The following PCDHA2 variants were observed in gnomAD, a reference collection of about 807,000 sequenced individuals.
PCDHA2 encodes protocadherin alpha-2.
PCDHA2 carries 58 observed loss-of-function variants against 66.0 expected under a neutral mutation model. The ratio of observed to expected loss-of-function variants is 0.88; its 90% CI spans 0.71 to 1.09. The LOEUF (loss-of-function observed/expected upper bound fraction) is 1.09. Among genes scored for constraint, PCDHA2 ranks in the 50% least tolerant of loss-of-function variants. PCDHA2 has a pLI of 0.00. For synonymous variants in PCDHA2, 634 were observed against 554.0 expected (o/e 1.14, Z -2.03); for missense variants, 1,267 against 1,242.3 (o/e 1.02, Z -0.30).
At chr5:140,835,778 G>A in intron 1 of PCDHA2, 1 of 1,613,340 alleles carries the variant, frequency 6.2e-7, no homozygotes, top group Non-Finnish European at 8.5e-7. Flanking sequence ...TGTTCGTGAA[G>A]GAGAACAACC....
intron 3 of PCDHA2, among the ~76,000 whole-genome samples, chr5:140,996,163 A>G (rs183777507): frequency 4.8e-4 from 73 of 152,326 alleles, no homozygotes; most frequent in African/African-American, 1.5e-3. Flanking sequence ...TTATACTGCA[A>G]TGTGCTGACA....
chr5:140,946,091 A>G (rs1554217315), intron 1 of PCDHA2, among the ~76,000 whole-genome samples: 1 of 152,040 alleles, frequency 6.6e-6, no homozygotes, highest in Non-Finnish European at 1.5e-5. Flanking sequence ...TCTGATAAGG[A>G]GTTAACATAC....
chr5:140,929,020 A>C (rs1183262810), intron 1 of PCDHA2: 6 of 1,614,070 alleles, frequency 3.7e-6, no homozygotes, highest in Non-Finnish European at 5.1e-6. Flanking sequence ...GTTGCACCAG[A>C]GCCCAGGCTG....
intron 1 of PCDHA2, chr5:140,867,533 T>C (rs2050017163): frequency 6.6e-6 from 1 of 152,110 alleles, no homozygotes. Flanking sequence ...AATATATATA[T>C]AAAATATTAG....
intron 1 of PCDHA2, chr5:140,868,693 T>C (rs1284176343): frequency 5.7e-6 from 1 of 176,810 alleles, no homozygotes; most frequent in African/African-American, 2.4e-5. Flanking sequence ...TAATGTTAAG[T>C]CAAACATAGA....
intron 1 of PCDHA2, among the ~76,000 whole-genome samples, chr5:140,958,001 T>C (rs1257234939): frequency 6.6e-6 from 1 of 152,144 alleles, no homozygotes; most frequent in Non-Finnish European, 1.5e-5. Flanking sequence ...ATTTTTTGTT[T>C]CAATTCTATC....
At chr5:140,814,345 G>A (rs2126654527) in intron 1 of PCDHA2, 1 of 151,338 alleles carries the variant, frequency 6.6e-6, no homozygotes, top group Non-Finnish European at 1.5e-5. Flanking sequence ...AGGTCTTCTG[G>A]GGCAGTTACA....
At chr5:140,812,028 T>G (rs1340307203) in intron 1 of PCDHA2, 1 of 148,898 alleles carries the variant, frequency 6.7e-6, no homozygotes, top group Non-Finnish European at 1.5e-5. Flanking sequence ...TTAAAATGAG[T>G]TTGGAAGTGT....
At chr5:140,870,097 C>T in intron 1 of PCDHA2, 1 of 1,613,888 alleles carries the variant, frequency 6.2e-7, no homozygotes, top group African/African-American at 1.3e-5. Context: ...AATGGCAGGT[C>T]ACTGTACAGT....
At chr5:140,829,631 A>G (rs2150171714) in intron 1 of PCDHA2, 2 of 1,612,100 alleles carry the variant, frequency 1.2e-6, no homozygotes, top group East Asian at 2.2e-5. Flanking sequence ...GCACGCGGAG[A>G]GCGGCAAGGT....
chr5:140,874,590 T>C (rs1345853316), intron 1 of PCDHA2, among the ~76,000 whole-genome samples: 11 of 152,248 alleles, frequency 7.2e-5, no homozygotes, highest in Non-Finnish European at 1.5e-4. Flanking sequence ...TTTGGGATAG[T>C]GTGAAATTTG....
rs17844259 is a variant in PCDHA2 at position 140,802,489 on chromosome 5, G to A, written c.2388+5137G>A. Reference sequence around the variant, plus strand: ...CTGGTGGTGACTGCTCGGGACGGGGGCTCGCCTTCACTGTGGGCCACGGCC... The same window carrying A: ...CTGGTGGTGACTGCTCGGGACGGGGACTCGCCTTCACTGTGGGCCACGGCC... On this transcript the variant is annotated intron_variant, in intron 1 of 3. Coordinates refer to ENST00000526136, the MANE Select transcript of PCDHA2 (RefSeq NM_018905.3). The A allele has an allele frequency of 4.7e-4, 756 of 1,614,176 alleles. 7 individuals are homozygous for A. The East Asian group carries it at 0.016, about 34-fold the overall frequency.
At chr5:140,806,378 C>T (rs1685025391) in intron 1 of PCDHA2, among the ~76,000 whole-genome samples, 1 of 152,144 alleles carries the variant, frequency 6.6e-6, no homozygotes, top group Non-Finnish European at 1.5e-5. Flanking sequence ...ATGAGAATAC[C>T]AGCGTTTCTC....
intron 1 of PCDHA2, among the ~76,000 whole-genome samples, chr5:140,975,450 G>T (rs1175028711): frequency 6.6e-6 from 1 of 152,174 alleles, no homozygotes. Context: ...AGGGATCTTG[G>T]GGCCATCTTG....
chr5:140,877,023 G>A (rs1554169254), intron 1 of PCDHA2: 2 of 1,612,456 alleles, frequency 1.2e-6, no homozygotes, highest in Non-Finnish European at 1.7e-6. Flanking sequence ...GCGGCAAGGT[G>A]TACGCGCTGC....
chr5:140,982,264 TG>T, intron 2 of PCDHA2: 1 of 865,882 alleles, frequency 1.2e-6, no homozygotes, highest in Non-Finnish European at 1.7e-6. Flanking sequence ...TGTGTGTTCC[TG>T]GAATAGTATA....
In PCDHA2 at chr5:140,980,207, CT is replaced by C. The variant is rs2096880359; in HGVS notation, c.2447+1204del. Among the ~76,000 whole-genome samples, 4 of 152,182 alleles carry C rather than the reference CT, an allele frequency of 2.6e-5. No individual in the cohort carries two copies. In the South Asian group the frequency reaches 8.3e-4, roughly 31 times the overall value. On this transcript the variant is annotated intron_variant, in intron 2 of 3. Coordinates refer to ENST00000526136, the MANE Select transcript of PCDHA2 (RefSeq NM_018905.3). ...TATATTTATTAGAGACCAACTTGTGCTTTTGCCTGCATCTGAGCTGTTGGTG... is the reference window on the plus strand; with the variant it reads ...TATATTTATTAGAGACCAACTTGTGCTTTGCCTGCATCTGAGCTGTTGGTG...
At chr5:140,828,125 C>T (rs1769542170) in intron 1 of PCDHA2, 2 of 1,613,046 alleles carry the variant, frequency 1.2e-6, no homozygotes, top group East Asian at 4.5e-5. Flanking sequence ...ATTGGGAAAG[C>T]AATGTCTGCT....
rs189790601 is a variant in PCDHA2 at position 140,875,550 on chromosome 5, G to A, written c.2388+78198G>A. ...TTCTGCTCCTTGCAGCCTGGGAGGTGGGGAGCGGCCAGCTCCACTACTCCG... is the reference window on the plus strand; with the variant it reads ...TTCTGCTCCTTGCAGCCTGGGAGGTAGGGAGCGGCCAGCTCCACTACTCCG... On this transcript the variant is annotated intron_variant, in intron 1 of 3. Transcript: ENST00000526136. 51 of 1,614,134 alleles carry A rather than the reference G, an allele frequency of 3.2e-5. No homozygotes were observed. In the African/African-American group the frequency reaches 5.7e-4, roughly 18 times the overall value.
Sources: gnomAD v4.1 joint callset for allele counts (sites outside exome capture counted in the v4.1 genomes callset) on GRCh38, gnomAD v4.1.1 for gene constraint, MANE v1.5 for transcripts, NCBI Gene and HGNC (gene_info 2026-07-23, HGNC 2026-07-21) for gene names.